Variants in TMEM120B observed in about 807,000 individuals in gnomAD.
The protein encoded by TMEM120B is transmembrane protein 120B.
Under a neutral mutation model 55.5 loss-of-function variants are expected in TMEM120B, and 31 were observed. The observed-to-expected ratio is 0.56, with a 90% CI of 0.42 to 0.75. TMEM120B has a LOEUF of 0.75. TMEM120B is among the 30% of genes least tolerant of loss of function. The probability of loss-of-function intolerance (pLI) is 0.00; values close to 1 mark genes in which losing one functional copy is unlikely to be tolerated. For missense variants in TMEM120B, 399 were observed against 425.5 expected (o/e 0.94, Z 0.55); for synonymous variants, 203 against 176.3 (o/e 1.15, Z -1.20).
At chr12:121,715,378 G>T (rs1038793137) in intron 1 of TMEM120B, among the ~76,000 whole-genome samples, 1 of 152,184 alleles carries the variant, frequency 6.6e-6, no homozygotes, top group Non-Finnish European at 1.5e-5. Flanking sequence ...TAAGAGCTGT[G>T]CAATTAATGC....
At chr12:121,773,359 G>A in intron 8 of TMEM120B, 62 bp from the exon 9 acceptor site, 1 of 1,470,810 alleles carries the variant, frequency 6.8e-7, no homozygotes, top group Non-Finnish European at 9.3e-7. Flanking sequence ...GGGGCAGAGA[G>A]GTGTGGCCCT....
At chr12:121,747,895 G>GCA (rs141204753) in intron 2 of TMEM120B, among the ~76,000 whole-genome samples, 2 of 6,896 alleles carry the variant, frequency 2.9e-4, no homozygotes, top group Admixed American at 2.9e-3. Flanking sequence ...AAGGTGGGAG[G>GCA]CTGGGGTAGA....
At chr12:121,718,067 C>A (rs2136962658) in intron 1 of TMEM120B, among the ~76,000 whole-genome samples, 1 of 152,296 alleles carries the variant, frequency 6.6e-6, no homozygotes, top group East Asian at 1.9e-4. Context: ...ATTTGGTGAG[C>A]CACCTCTCTC....
rs550238026 is a variant in TMEM120B at position 121,743,637 on chromosome 12, C to T, written c.78C>T (p.His26=). The T allele has an allele frequency of 1.2e-5, 19 of 1,613,392 alleles. No homozygotes were observed. In the East Asian group the frequency reaches 4.0e-4, roughly 34 times the overall value. ...EGEFQELQET[H]RIYKQKLEEL... ...GGTCCCCTGTTCTTCAGGAGACGCA[C>T]AGGATCTACAAGCAGAAGCTGGAGG... The change falls in exon 2 of 12, where the codon CAC becomes CAT. Residue 26 remains histidine (H), a synonymous_variant. Transcript: ENST00000449592.
At position 121,775,087 on chromosome 12, in the gene TMEM120B, C is replaced by CGCTGTTT. The variant is rs1566527870; in HGVS notation, c.865_871dup (p.Glu291AlafsTer3). The CGCTGTTT allele has an allele frequency of 6.2e-7, 1 of 1,606,330 alleles. No individual in the cohort carries two copies. The highest frequency in any genetic ancestry group is 1.1e-5 in the South Asian group (1 of 90,954). ...TTCTGGCAGCTCTACAATGCCGTCA[C>CGCTGTTT]GCTGTTTGAGCTCTCCAGCCACGAG... On this transcript the variant is annotated frameshift_variant, in exon 11 of 12. Transcript: ENST00000449592. LOFTEE classifies it high-confidence loss of function. This position sits in a 1 kb window ranked among gnomAD's most constrained non-coding sequence, Gnocchi z 4.3.
chr12:121,770,902 C>G lies in TMEM120B; in HGVS notation c.552-5C>G. ...GAGCACTTTCCGTTCTCTCCCTCTCCCGAGAATTAAAGGCTGGTGGGTGTC... is the reference window on the plus strand; with the variant it reads ...GAGCACTTTCCGTTCTCTCCCTCTCGCGAGAATTAAAGGCTGGTGGGTGTC... On this transcript the variant is annotated splice_region_variant and splice_polypyrimidine_tract_variant and intron_variant, in intron 6 of 11. Transcript: ENST00000449592. The G allele has an allele frequency of 6.2e-7, 1 of 1,614,044 alleles. No homozygotes were observed. Among genetic ancestry groups the G allele is most frequent in the African/African-American group, 1.3e-5 (1 of 75,048 alleles).
rs1204305673 is a variant in TMEM120B, at chr12:121,776,090, G to A, written c.*368G>A. 4 of 535,732 alleles carry A rather than the reference G, an allele frequency of 7.5e-6. No homozygotes were observed. The highest frequency in any genetic ancestry group is 9.8e-6 in the Non-Finnish European group (3 of 305,086). The allele number at this position is 535,732 out of a possible 1,614,324, so 33.2% of individuals were successfully genotyped here. A position where few individuals can be genotyped will look rare whatever the true frequency, so the allele number is the denominator to read the frequency against. ...GTGGGGTTTGGATGTGCCTCGCGGG[G>A]TTGGATTTATGCTGACCTGCTACTT... is the stretch of plus-strand genomic sequence containing the variant. On this transcript the variant is annotated 3_prime_UTR_variant, in exon 12 of 12. Coordinates refer to ENST00000449592, the MANE Select transcript of TMEM120B (RefSeq NM_001080825.2).
chr12:121,757,519 TATTTA>T (rs1873516829), intron 5 of TMEM120B, among the ~76,000 whole-genome samples: 3 of 127,658 alleles, frequency 2.4e-5, no homozygotes, highest in South Asian at 2.9e-4. Context: ...TTATTATTAT[TATTTA>T]TTTTTTTTTT....
chr12:121,757,146 G>T (rs35219421), intron 5 of TMEM120B, among the ~76,000 whole-genome samples: 68,561 of 149,450 alleles, frequency 0.46, 17,132 homozygotes, highest in Middle Eastern at 0.64. Flanking sequence ...GCGGTGGGGG[G>T]GGGGGGTGTC....
At chr12:121,730,582 C>T (rs1428347519) in intron 1 of TMEM120B, among the ~76,000 whole-genome samples, 4 of 143,290 alleles carry the variant, frequency 2.8e-5, no homozygotes, top group Non-Finnish European at 6.0e-5. Flanking sequence ...ATCCAGGAGG[C>T]GGAGGTTTCA....
At chr12:121,734,226 A>G (rs1251719118) in intron 1 of TMEM120B, among the ~76,000 whole-genome samples, 3 of 151,852 alleles carry the variant, frequency 2.0e-5, no homozygotes, top group African/African-American at 4.8e-5. Context: ...GGTAACTCAC[A>G]TGGCTGGGGC....
intron 1 of TMEM120B, among the ~76,000 whole-genome samples, chr12:121,724,617 T>G (rs1466372935): frequency 1.8e-3 from 4 of 2,186 alleles, no homozygotes; most frequent in Non-Finnish European, 3.3e-3. Flanking sequence ...AAAGTTGTGT[T>G]TTTTTTTTTT....
intron 6 of TMEM120B, among the ~76,000 whole-genome samples, chr12:121,766,095 G>T (rs1297940648): frequency 6.6e-6 from 1 of 152,116 alleles, no homozygotes; most frequent in Non-Finnish European, 1.5e-5. Context: ...AACCCTACGG[G>T]CCTCCTGGGG....
rs113401176 is a variant in TMEM120B, at chr12:121,747,889, T to C, written c.189-437T>C. On this transcript the variant is annotated intron_variant, in intron 2 of 11. Transcript: ENST00000449592. ...AGGTGGGAGGCACTGGGGTAGAAGG[T>C]GGGAGGCTGGGGTAGAAGGTGGGAG... Among the ~76,000 whole-genome samples the C allele has an allele frequency of 4.0e-3, 25 of 6,324 alleles. 1 individual carries two copies. Among genetic ancestry groups the C allele is most frequent in the Admixed American group, 0.011 (7 of 642 alleles). The allele number at this position is 6,324 out of a possible 152,430, so 4.1% of individuals were successfully genotyped here.
At chr12:121,765,129 C>CTTT (rs775861260) in intron 6 of TMEM120B, among the ~76,000 whole-genome samples, 14 of 133,706 alleles carry the variant, frequency 1.0e-4, no homozygotes, top group African/African-American at 2.5e-4. Context: ...TCTTTTCTTT[C>CTTT]TTTTTTTTTT....
intron 5 of TMEM120B, among the ~76,000 whole-genome samples, chr12:121,754,120 GGTC>G (rs1289344360): frequency 6.6e-6 from 1 of 152,254 alleles, no homozygotes; most frequent in African/African-American, 2.4e-5. Flanking sequence ...TCCGGCTGCT[GGTC>G]TGGCCACTTG....
rs897037140 is a variant in TMEM120B, at chr12:121,775,449, C to T, written c.907-160C>T. 1.0e-5 allele frequency: 10 copies of T among 985,188 alleles called. No homozygotes were observed. The highest frequency in any genetic ancestry group is 1.1e-5 in the Non-Finnish European group (9 of 829,902). 61.0% of individuals were successfully genotyped at this position (985,188 alleles called of 1,614,324 possible). A position where few individuals can be genotyped will look rare whatever the true frequency, so the allele number is the denominator to read the frequency against. On this transcript the variant is annotated intron_variant, in intron 11 of 11. Coordinates refer to ENST00000449592, the MANE Select transcript of TMEM120B (RefSeq NM_001080825.2). The surrounding 1 kb of genome is among the most constrained non-coding windows in gnomAD (Gnocchi z 4.3). ...TCCCAGGCCCTGCCCAAGCCTGAGG[C>T]CTCACCCTTCCCCCAGGTCTCCTGA...
intron 1 of TMEM120B, among the ~76,000 whole-genome samples, chr12:121,733,106 C>G (rs1895035102): frequency 6.6e-6 from 1 of 152,084 alleles, no homozygotes; most frequent in Non-Finnish European, 1.5e-5. Context: ...TGCAAGGATA[C>G]TATTCTTTTG....
rs1372777481 is a variant in TMEM120B at position 121,765,132 on chromosome 12, T to TC, written c.551+3394_551+3395insC. On this transcript the variant is annotated intron_variant, in intron 6 of 11. Coordinates refer to ENST00000449592, the MANE Select transcript of TMEM120B (RefSeq NM_001080825.2). ...TTTTCTTTTCTTTCTTTTCTTTCTT[T>TC]TTTTTTTTTTTTTTTGAGACAGAGT... is the stretch of plus-strand genomic sequence containing the variant. Among the ~76,000 whole-genome samples the TC allele has an allele frequency of 4.8e-3, 694 of 145,726 alleles. 1 individual carries two copies. The highest frequency in any genetic ancestry group is 5.5e-3 in the Non-Finnish European group (362 of 66,262).
Sources: gnomAD v4.1 joint callset for allele counts (sites outside exome capture counted in the v4.1 genomes callset) on GRCh38, gnomAD v4.1.1 for gene constraint, Gnocchi (gnomAD v3.1) non-coding constraint, MANE v1.5 for transcripts, NCBI Gene and HGNC (gene_info 2026-07-23, HGNC 2026-07-21) for gene names.